The following RABGAP1L variants were observed in gnomAD, a reference collection of about 807,000 sequenced individuals.
RABGAP1L encodes RAB GTPase activating protein 1 like.
A neutral mutation model predicts 137.7 loss-of-function variants in RABGAP1L; 63 were observed. That is an observed-to-expected ratio of 0.46 (90% CI 0.37 to 0.56). The LOEUF is 0.56. Ranked by LOEUF, RABGAP1L falls within the 20% of genes least tolerant of loss-of-function variation. The probability of loss-of-function intolerance (pLI) is 0.00; values close to 1 mark genes in which losing one functional copy is unlikely to be tolerated. For missense variants in RABGAP1L, 1,095 were observed against 1,244.0 expected (o/e 0.88, Z 1.80); for synonymous variants, 431 against 433.7 (o/e 0.99, Z 0.08).
chr1:174,967,530 T>C (rs1441819247), intron 20 of RABGAP1L, among the ~76,000 whole-genome samples: 1 of 151,982 alleles, frequency 6.6e-6, no homozygotes, highest in East Asian at 1.9e-4. Context: ...TTAGTGGAGA[T>C]GAGGTTTCAC....
chr1:174,691,622 A>G (rs1678882787), intron 15 of RABGAP1L, among the ~76,000 whole-genome samples: 1 of 152,190 alleles, frequency 6.6e-6, no homozygotes, highest in Admixed American at 6.5e-5. Flanking sequence ...AACACTGGTG[A>G]TAAAGTTTCT....
At chr1:174,941,265 A>T (rs1243139888) in intron 19 of RABGAP1L, among the ~76,000 whole-genome samples, 1 of 152,208 alleles carries the variant, frequency 6.6e-6, no homozygotes, top group South Asian at 2.1e-4. Flanking sequence ...TACACCTTGG[A>T]TGTGAGTGAT....
At chr1:174,735,612 C>CAAAA (rs59281177) in intron 17 of RABGAP1L, among the ~76,000 whole-genome samples, 8 of 46,134 alleles carry the variant, frequency 1.7e-4, no homozygotes, top group Non-Finnish European at 3.1e-4. Context: ...AACTCCATCT[C>CAAAA]AAAAAAAAAA....
rs910058279 is a variant in RABGAP1L at position 174,957,330 on chromosome 1, ATT to A, written c.2341-123_2341-122del. The stretch of plus-strand genomic sequence containing the variant: ...TGCCAACCTCTACTCTGGAATCTCT[ATT>A]TTTCTCCTAACTTTGAGTTGAGCAT... On this transcript the variant is annotated intron_variant, in intron 19 of 25. Coordinates refer to ENST00000681986, the MANE Select transcript of RABGAP1L (RefSeq NM_001366446.1). The A allele has an allele frequency of 5.7e-6, 4 of 707,144 alleles. No homozygotes were observed. In the African/African-American group the frequency reaches 7.2e-5, roughly 13 times the overall value. The allele number at this position is 707,144 out of a possible 1,614,324, so 43.8% of individuals were successfully genotyped here. A position where few individuals can be genotyped will look rare whatever the true frequency, so the allele number is the denominator to read the frequency against.
At chr1:174,765,189 C>G (rs190222065) in intron 18 of RABGAP1L, among the ~76,000 whole-genome samples, 7 of 152,228 alleles carry the variant, frequency 4.6e-5, no homozygotes, top group Admixed American at 4.6e-4. Context: ...TTATTGTCTA[C>G]TTTATTTTTT....
chr1:174,498,235 A>G (rs1428161772), intron 13 of RABGAP1L, among the ~76,000 whole-genome samples: 1 of 152,124 alleles, frequency 6.6e-6, no homozygotes, highest in Non-Finnish European at 1.5e-5. Context: ...TGTATATGTA[A>G]ACCTAACTAC....
chr1:174,502,408 TTTA>T (rs1414495503), intron 13 of RABGAP1L, among the ~76,000 whole-genome samples: 2 of 151,486 alleles, frequency 1.3e-5, no homozygotes, highest in African/African-American at 4.8e-5. Context: ...TGATCACATT[TTTA>T]GTTCTTTTAG....
At chr1:174,429,745 A>AT (rs11463705) in intron 13 of RABGAP1L, among the ~76,000 whole-genome samples, 51,196 of 151,316 alleles carry the variant, frequency 0.34, 10,919 homozygotes, top group African/African-American at 0.6. Flanking sequence ...ATCTCAAAAA[A>AT]AAAAAATAAA....
chr1:174,282,586 A>C lies in RABGAP1L; in HGVS notation c.1323+3807A>C, dbSNP rs2148691450. On this transcript the variant is annotated intron_variant, in intron 10 of 25. Coordinates refer to ENST00000681986, the MANE Select transcript of RABGAP1L (RefSeq NM_001366446.1). ...CAGTGGCTTGCCTTTTTATTTTCAT[A>C]ATGTCTCTTGAAGAACTGAAGTTTT... 1.3e-5 allele frequency among the ~76,000 whole-genome samples: 2 copies of C among 152,246 alleles called. 1 individual carries two copies. Among genetic ancestry groups the C allele is most frequent in the South Asian group, 4.1e-4 (2 of 4,822 alleles).
chr1:174,161,306 G>T (rs1420661506), intron 1 of RABGAP1L, among the ~76,000 whole-genome samples: 1 of 150,334 alleles, frequency 6.7e-6, no homozygotes, highest in East Asian at 2.0e-4. Context: ...GCAACAGCGC[G>T]ATCTCGGCTC....
intron 11 of RABGAP1L, among the ~76,000 whole-genome samples, chr1:174,364,874 T>G (rs1684477828): frequency 6.6e-6 from 1 of 152,138 alleles, no homozygotes; most frequent in East Asian, 1.9e-4. Context: ...GGTTCTTCCC[T>G]CAAGGCAGTG....
intron 3 of RABGAP1L, among the ~76,000 whole-genome samples, chr1:174,227,276 C>A (rs1436302706): frequency 4.0e-5 from 6 of 150,788 alleles, no homozygotes; most frequent in Non-Finnish European, 5.9e-5. Flanking sequence ...TCTCAGCTCA[C>A]TGCAACCTCC....
At chr1:174,383,379 C>T (rs1322493459) in intron 12 of RABGAP1L, among the ~76,000 whole-genome samples, 3 of 151,904 alleles carry the variant, frequency 2.0e-5, no homozygotes, top group South Asian at 4.2e-4. Context: ...GCGGGCGCCC[C>T]TCCCCCAGCC....
intron 3 of RABGAP1L, among the ~76,000 whole-genome samples, chr1:174,227,424 A>G (rs1471597970): frequency 6.6e-6 from 1 of 150,620 alleles, no homozygotes; most frequent in African/African-American, 2.4e-5. Flanking sequence ...GATGGTCTCC[A>G]TCTCTTGACC....
intron 19 of RABGAP1L, among the ~76,000 whole-genome samples, chr1:174,940,974 T>G (rs1665765961): frequency 6.6e-6 from 1 of 152,218 alleles, no homozygotes; most frequent in Admixed American, 6.5e-5. Flanking sequence ...CTTCAGTGTA[T>G]TCCTTCCGGC....
chr1:174,393,623 C>G (rs561093702), intron 12 of RABGAP1L, among the ~76,000 whole-genome samples: 126 of 152,284 alleles, frequency 8.3e-4, no homozygotes, highest in African/African-American at 1.7e-3. Flanking sequence ...ACATCATTGT[C>G]CAGCTTGCTG....
chr1:174,228,321 A>C (rs542175701), intron 3 of RABGAP1L, among the ~76,000 whole-genome samples: 29 of 151,758 alleles, frequency 1.9e-4, no homozygotes, highest in Middle Eastern at 6.8e-3. Context: ...TTCTCTTTTT[A>C]TTTATATTAT....
At chr1:174,256,495 A>G (rs1451893813) in intron 7 of RABGAP1L, among the ~76,000 whole-genome samples, 1 of 152,200 alleles carries the variant, frequency 6.6e-6, no homozygotes, top group African/African-American at 2.4e-5. Flanking sequence ...TAAGACCATG[A>G]AAATATGCTG....
chr1:174,690,556 C>G (rs1465416572), intron 15 of RABGAP1L, among the ~76,000 whole-genome samples: 1 of 151,972 alleles, frequency 6.6e-6, no homozygotes, highest in Non-Finnish European at 1.5e-5. Context: ...TAATTATTTG[C>G]TTTTACATTA....
Sources: allele counts gnomAD v4.1 joint callset (sites outside exome capture counted in the v4.1 genomes callset), GRCh38; gene constraint gnomAD v4.1.1; transcripts MANE v1.5; gene names NCBI Gene and HGNC (gene_info 2026-07-23, HGNC 2026-07-21).